The following SUGT1 variants were observed in gnomAD, a reference collection of about 807,000 sequenced individuals.
SUGT1 encodes the protein SGT1 assembly cochaperone of MIS12 kinetochore complex.
A neutral mutation model predicts 56.1 loss-of-function variants in SUGT1; 15 were observed. That is an observed-to-expected ratio of 0.27 (90% CI 0.18 to 0.41). SUGT1 has a LOEUF of 0.41. SUGT1 is among the 10% of genes least tolerant of loss of function. The pLI is 1.00. For synonymous variants in SUGT1, 123 were observed against 128.6 expected, an observed-to-expected ratio of 0.96 and a Z score of 0.30; for missense variants, 347 against 382.2, an observed-to-expected ratio of 0.91 and a Z score of 0.77.
At position 52,659,989 on chromosome 13, in the gene SUGT1, C is replaced by T. The variant is rs912159573; in HGVS notation, c.328+740C>T. ...GACTACAGGCGACCACCACCACGCC[C>T]GGCCAATTTTTTTGTATTTTTAGTA... is the stretch of plus-strand genomic sequence containing the variant. On this transcript the variant is annotated intron_variant, in intron 5 of 12. Coordinates refer to ENST00000310528, the MANE Select transcript of SUGT1 (RefSeq NM_006704.5). Among the ~76,000 whole-genome samples the T allele has an allele frequency of 7.9e-5, 12 of 150,972 alleles. No homozygotes were observed. In the East Asian group the frequency reaches 1.4e-3, roughly 17 times the overall value.
intron 11 of SUGT1, 21 bp from the exon 12 acceptor site, chr13:52,679,953 C>T (rs1963301634): frequency 6.4e-7 from 1 of 1,568,356 alleles, no homozygotes; most frequent in South Asian, 1.2e-5. Context: ...TTAATTACTT[C>T]TGCCTTTTTT....
intron 3 of SUGT1, 101 bp downstream of exon 3, chr13:52,657,723 C>A: frequency 9.4e-7 from 1 of 1,064,818 alleles, no homozygotes; most frequent in Non-Finnish European, 1.4e-6. Flanking sequence ...TTAAATTGGT[C>A]TTTTATACAA....
rs1025112833 is a variant in SUGT1 at position 52,693,145 on chromosome 13, C to G, written c.*5310C>G. The G allele has an allele frequency of 6.6e-6, 1 of 151,464 alleles. No homozygotes were observed. The highest frequency in any genetic ancestry group is 1.5e-5 in the Non-Finnish European group (1 of 67,954). 9.4% of individuals were successfully genotyped at this position (151,464 alleles called of 1,614,324 possible). ...ATATATATATATATTTGAATTTTGG[C>G]TTGTCTGGAGTCTTAAATATTTGGT... On this transcript the variant is annotated 3_prime_UTR_variant, in exon 13 of 13. Transcript: ENST00000310528.
intron 2 of SUGT1, 60 bp from the exon 3 acceptor site, chr13:52,657,472 A>G (rs1962222871): frequency 7.2e-7 from 1 of 1,394,188 alleles, no homozygotes; most frequent in Non-Finnish European, 1.0e-6. Context: ...TTATGTTTTA[A>G]TTAGAATTTG....
chr13:52,686,548 A>G (rs1963596203), intron 12 of SUGT1, among the ~76,000 whole-genome samples: 1 of 152,200 alleles, frequency 6.6e-6, no homozygotes. Context: ...CATGTTTGGA[A>G]GATGACTAAG....
At position 52,669,025 on chromosome 13, in the gene SUGT1, T is replaced by G. The variant is rs61611502; in HGVS notation, c.627+2106T>G. On this transcript the variant is annotated intron_variant, in intron 10 of 12. Coordinates refer to ENST00000310528, the MANE Select transcript of SUGT1 (RefSeq NM_006704.5). Reference sequence around the variant, plus strand: ...TTAAGCACTCTTATCTCAATTCTTTTTTCTCTTTTGAGTCTTGGATTTGTT... The same window carrying G: ...TTAAGCACTCTTATCTCAATTCTTTGTTCTCTTTTGAGTCTTGGATTTGTT... Among the ~76,000 whole-genome samples the G allele has an allele frequency of 7.0e-3, 1,059 of 152,328 alleles. 13 individuals are homozygous for G. Among genetic ancestry groups the G allele is most frequent in the African/African-American group, 0.025 (1,028 of 41,574 alleles).
At chr13:52,664,445 G>A (rs1237056623) in intron 8 of SUGT1, among the ~76,000 whole-genome samples, 1 of 152,144 alleles carries the variant, frequency 6.6e-6, no homozygotes, top group East Asian at 1.9e-4. Flanking sequence ...CATTCTGTAT[G>A]CGTTGAAAGT....
chr13:52,677,812 A>G lies in SUGT1; in HGVS notation c.718+1492A>G, dbSNP rs547637121. Among the ~76,000 whole-genome samples, 10 of 152,306 alleles carry G rather than the reference A, an allele frequency of 6.6e-5. No homozygotes were observed. In the South Asian group the frequency reaches 2.1e-3, roughly 32 times the overall value. ...TAGTAGTTATTTGATATTATAGTGA[A>G]TGAGCAGGGAGGTTAGATTACTCAT... is the stretch of plus-strand genomic sequence containing the variant. On this transcript the variant is annotated intron_variant, in intron 11 of 12. Coordinates refer to ENST00000310528, the MANE Select transcript of SUGT1 (RefSeq NM_006704.5).
At chr13:52,658,647 A>T (rs1158571437) in intron 4 of SUGT1, among the ~76,000 whole-genome samples, 179 bp downstream of exon 4, 2 of 152,016 alleles carry the variant, frequency 1.3e-5, no homozygotes, top group Non-Finnish European at 2.9e-5. Context: ...TAACCAAAGT[A>T]TGTGATAGGA....
chr13:52,680,281 C>A, intron 12 of SUGT1, 126 bp downstream of exon 12: 1 of 796,422 alleles, frequency 1.3e-6, no homozygotes, highest in Non-Finnish European at 1.9e-6. Context: ...TAAGGTCTGT[C>A]TGAACGTTTC....
chr13:52,696,854 T>C lies in SUGT1; in HGVS notation c.*9019T>C, dbSNP rs1226804468. On this transcript the variant is annotated 3_prime_UTR_variant, in exon 13 of 13. Transcript: ENST00000310528. ...CACAGCCACGAGAGCTAATTTTAAC[T>C]ACATTGTTAGAGGTAGTAACAGTTA... 6.6e-6 allele frequency: 1 copy of C among 150,800 alleles called. No individual in the cohort carries two copies. Among genetic ancestry groups the C allele is most frequent in the African/African-American group, 2.4e-5 (1 of 41,098 alleles). 9.3% of individuals were successfully genotyped at this position (150,800 alleles called of 1,614,324 possible).
In SUGT1 at chr13:52,700,090, T is replaced by C. The variant is rs1964039860; in HGVS notation, c.*12255T>C. On this transcript the variant is annotated 3_prime_UTR_variant, in exon 13 of 13. Transcript: ENST00000310528. Reference sequence around the variant, plus strand: ...GTAAATGACTAAATTCAGAGGGAATTTAGTGGGGCATATCTCTTAAATGGT... The same window carrying C: ...GTAAATGACTAAATTCAGAGGGAATCTAGTGGGGCATATCTCTTAAATGGT... 1 of 152,108 alleles carries C rather than the reference T, an allele frequency of 6.6e-6. No individual in the cohort carries two copies. Among genetic ancestry groups the C allele is most frequent in the South Asian group, 2.1e-4 (1 of 4,820 alleles). 9.4% of individuals were successfully genotyped at this position (152,108 alleles called of 1,614,324 possible).
rs1283589080 is a variant in SUGT1, at chr13:52,696,317, C to G, written c.*8482C>G. On this transcript the variant is annotated 3_prime_UTR_variant, in exon 13 of 13. Coordinates refer to ENST00000310528, the MANE Select transcript of SUGT1 (RefSeq NM_006704.5). The stretch of plus-strand genomic sequence containing the variant: ...TGTGGAACTCCCCTCTCCATGCCCT[C>G]TACTGAAATGCATTGCCACTCTAGT... 1 of 152,212 alleles carries G rather than the reference C, an allele frequency of 6.6e-6. No homozygotes were observed. Among genetic ancestry groups the G allele is most frequent in the Non-Finnish European group, 1.5e-5 (1 of 68,054 alleles). 9.4% of individuals were successfully genotyped at this position (152,212 alleles called of 1,614,324 possible).
chr13:52,669,033 T>C lies in SUGT1; in HGVS notation c.627+2114T>C, dbSNP rs371438817. Among the ~76,000 whole-genome samples, 11 of 152,330 alleles carry C rather than the reference T, an allele frequency of 7.2e-5. No individual in the cohort carries two copies. In the South Asian group the frequency reaches 1.2e-3, roughly 17 times the overall value. ...TCTTATCTCAATTCTTTTTTCTCTT[T>C]TGAGTCTTGGATTTGTTAATTTTAA... On this transcript the variant is annotated intron_variant, in intron 10 of 12. Coordinates refer to ENST00000310528, the MANE Select transcript of SUGT1 (RefSeq NM_006704.5).
chr13:52,653,163 C>T (rs1306143147), intron 2 of SUGT1, 60 bp downstream of exon 2: 1 of 1,599,548 alleles, frequency 6.3e-7, no homozygotes, highest in Non-Finnish European at 8.5e-7. Flanking sequence ...CACTTCGGGT[C>T]CCCGCTGACC....
Position 52,693,534 on chromosome 13 carries a change from C to G in SUGT1, c.*5699C>G, listed in dbSNP as rs1033866698. The G allele has an allele frequency of 1.3e-5, 2 of 152,142 alleles. No homozygotes were observed. The highest frequency in any genetic ancestry group is 2.9e-5 in the Non-Finnish European group (2 of 68,030). The allele number at this position is 152,142 out of a possible 1,614,324, so 9.4% of individuals were successfully genotyped here. ...GCCATCCTGTTTGGGATCATCCTGGCTACATTGCTTACTAGCTGTGTGACA... is the reference window on the plus strand; with the variant it reads ...GCCATCCTGTTTGGGATCATCCTGGGTACATTGCTTACTAGCTGTGTGACA... On this transcript the variant is annotated 3_prime_UTR_variant, in exon 13 of 13. Coordinates refer to ENST00000310528, the MANE Select transcript of SUGT1 (RefSeq NM_006704.5).
chr13:52,677,710 CCCGTT>C (rs1270320647), intron 11 of SUGT1, among the ~76,000 whole-genome samples: 4 of 836 alleles, frequency 4.8e-3, no homozygotes, highest in Non-Finnish European at 0.012. Context: ...ATTCTGTTAA[CCCGTT>C]GTCTACTTGT....
intron 5 of SUGT1, among the ~76,000 whole-genome samples, chr13:52,661,803 T>C (rs1015094886): frequency 6.6e-6 from 1 of 152,202 alleles, no homozygotes; most frequent in African/African-American, 2.4e-5. Flanking sequence ...TGTATTTAAA[T>C]TTTTTATTAA....
intron 9 of SUGT1, 96 bp downstream of exon 9, chr13:52,665,829 A>G (rs1346046242): frequency 1.6e-5 from 12 of 763,696 alleles, no homozygotes; most frequent in Admixed American, 3.7e-5. Flanking sequence ...GATAAATGCT[A>G]TTTCTTCCTG....
Sources: allele counts gnomAD v4.1 joint callset (sites outside exome capture counted in the v4.1 genomes callset), GRCh38; gene constraint gnomAD v4.1.1; transcripts MANE v1.5; gene names NCBI Gene and HGNC (gene_info 2026-07-23, HGNC 2026-07-21).